Variants in LRRC37A2 observed in about 807,000 individuals in gnomAD.
LRRC37A2 encodes the protein leucine rich repeat containing 37 member A2, also known as leucine-rich repeat-containing protein 37A2.
In LRRC37A2, 9 loss-of-function variants were observed where a neutral mutation model predicts 68.8. That is an observed-to-expected ratio of 0.13 (90% CI 0.08 to 0.23). The LOEUF is 0.23. Among genes scored for constraint, LRRC37A2 ranks in the 10% least tolerant of loss-of-function variants. LRRC37A2 has a pLI of 1.00. For missense variants in LRRC37A2, 168 were observed against 950.4 expected, an observed-to-expected ratio of 0.18 and a Z score of 10.82; for synonymous variants, 63 against 367.6, an observed-to-expected ratio of 0.17 and a Z score of 9.48.
the LRRC37A2 span, among the ~76,000 whole-genome samples, chr17:46,992,172 C>T: frequency 1.3e-5 from 1 of 76,548 alleles, no homozygotes; most frequent in Non-Finnish European, 3.4e-5. Context: ...ACCAGCCTGG[C>T]CAACATGGCA....
At chr17:46,494,225 T>G in the LRRC37A2 span, among the ~76,000 whole-genome samples, 1 of 151,042 alleles carries the variant, frequency 6.6e-6, no homozygotes, top group East Asian at 1.9e-4. Flanking sequence ...TGTTCATACA[T>G]TTTCCCCATC....
chr17:46,694,301 C>T, the LRRC37A2 span, among the ~76,000 whole-genome samples: 2 of 139,062 alleles, frequency 1.4e-5, no homozygotes, highest in Non-Finnish European at 3.0e-5. Context: ...ATAGGAGAAT[C>T]GCCTGAATCC....
the LRRC37A2 span, chr17:46,923,316 G>C: frequency 6.5e-7 from 1 of 1,542,530 alleles, no homozygotes; most frequent in Non-Finnish European, 8.7e-7. Context: ...AGCCAGGGTA[G>C]AGGCCGAGTT....
At chr17:46,746,595 T>C in the LRRC37A2 span, among the ~76,000 whole-genome samples, 1 of 152,068 alleles carries the variant, frequency 6.6e-6, no homozygotes, top group Non-Finnish European at 1.5e-5. Flanking sequence ...GAGTGTGTAT[T>C]ATAAATCTAG....
the LRRC37A2 span, among the ~76,000 whole-genome samples, chr17:46,766,980 G>C: frequency 6.6e-6 from 1 of 152,160 alleles, no homozygotes; most frequent in South Asian, 2.1e-4. Flanking sequence ...TTTCTTGCTT[G>C]GGTCACACGG....
At chr17:46,956,184 T>C in the LRRC37A2 span, among the ~76,000 whole-genome samples, 44 of 152,128 alleles carry the variant, frequency 2.9e-4, no homozygotes, top group African/African-American at 1.0e-3. Flanking sequence ...GAATCTGTTA[T>C]TCAACAACAC....
At chr17:46,728,860 G>A in the LRRC37A2 span, 1 of 1,599,166 alleles carries the variant, frequency 6.3e-7, no homozygotes, top group Non-Finnish European at 8.5e-7. Flanking sequence ...TCCAGATTAC[G>A]TCCCTATTGG....
At chr17:46,827,815 T>C in the LRRC37A2 span, among the ~76,000 whole-genome samples, 1 of 147,014 alleles carries the variant, frequency 6.8e-6, no homozygotes, top group Non-Finnish European at 1.5e-5. Context: ...ATTTCTTTCT[T>C]TTTTTTTTTT....
chr17:46,872,218 G>A, the LRRC37A2 span, among the ~76,000 whole-genome samples: 4 of 152,218 alleles, frequency 2.6e-5, no homozygotes, highest in African/African-American at 9.6e-5. Flanking sequence ...TCCTGGGAAA[G>A]CGTATTTTTA....
chr17:46,575,706 G>A, the LRRC37A2 span, among the ~76,000 whole-genome samples: 19 of 60,410 alleles, frequency 3.1e-4, no homozygotes, highest in African/African-American at 1.4e-3. Flanking sequence ...CTGGCCAGGC[G>A]CGGAGGCTCA....
At chr17:46,739,762 G>A in the LRRC37A2 span, among the ~76,000 whole-genome samples, 8 of 151,198 alleles carry the variant, frequency 5.3e-5, no homozygotes, top group South Asian at 8.3e-4. Context: ...GCAGTGGCGC[G>A]ATCTCAACTC....
chr17:46,720,413 T>C, the LRRC37A2 span, among the ~76,000 whole-genome samples: 2 of 152,162 alleles, frequency 1.3e-5, no homozygotes, highest in African/African-American at 4.8e-5. Context: ...GCTCACGATA[T>C]GAGAAAATGT....
chr17:46,697,846 AT>A, the LRRC37A2 span, among the ~76,000 whole-genome samples: 1,472 of 127,336 alleles, frequency 0.012, 13 homozygotes, highest in Middle Eastern at 0.034. Context: ...GGCACCCACC[AT>A]CACGCCTGGC....
At chr17:47,019,161 CA>C in the LRRC37A2 span, 4 of 1,344,736 alleles carry the variant, frequency 3.0e-6, no homozygotes, top group African/African-American at 6.0e-5. Context: ...TCAGCATTCA[CA>C]CCTGACTCGA....
At chr17:46,864,903 G>A in the LRRC37A2 span, among the ~76,000 whole-genome samples, 1 of 152,200 alleles carries the variant, frequency 6.6e-6, no homozygotes, top group Non-Finnish European at 1.5e-5. Flanking sequence ...AGCCAGCAGA[G>A]CAGAACTTCT....
chr17:46,971,805 C>G, the LRRC37A2 span, among the ~76,000 whole-genome samples: 1 of 152,216 alleles, frequency 6.6e-6, no homozygotes, highest in Non-Finnish European at 1.5e-5. Flanking sequence ...CACCAGGCCC[C>G]CACTCACCCA....
the LRRC37A2 span, chr17:46,726,425 T>TATAC: frequency 5.9e-6 from 5 of 850,312 alleles, no homozygotes; most frequent in African/African-American, 8.3e-5. Context: ...TAATTTATTG[T>TATAC]AGTCCAAAGT....
chr17:46,787,686 G>C, the LRRC37A2 span, among the ~76,000 whole-genome samples: 1 of 152,244 alleles, frequency 6.6e-6, no homozygotes, highest in Non-Finnish European at 1.5e-5. Context: ...GGGCGCGGTG[G>C]CTCACGCCTG....
chr17:46,913,050 C>T, the LRRC37A2 span, among the ~76,000 whole-genome samples: 3 of 152,196 alleles, frequency 2.0e-5, no homozygotes, highest in African/African-American at 7.2e-5. Flanking sequence ...GAGCACAGAA[C>T]GAGCCACGGC....
Sources: gnomAD v4.1 joint callset for allele counts (sites outside exome capture counted in the v4.1 genomes callset) on GRCh38, gnomAD v4.1.1 for gene constraint, MANE v1.5 for transcripts, NCBI Gene and HGNC (gene_info 2026-07-23, HGNC 2026-07-21) for gene names.